The following VPS54 variants were observed in gnomAD, a reference collection of about 807,000 sequenced individuals.
VPS54 encodes vacuolar protein sorting-associated protein 54.
A neutral mutation model predicts 121.5 loss-of-function variants in VPS54; 45 were observed. The observed-to-expected ratio is 0.37, with a 90% confidence interval of 0.29 to 0.47. VPS54 has a LOEUF of 0.47. Among genes scored for constraint, VPS54 ranks in the 20% least tolerant of loss-of-function variants. The pLI, the probability that VPS54 is intolerant of heterozygous loss-of-function variation, is 0.99. For synonymous variants in VPS54, 371 were observed against 385.8 expected, an observed-to-expected ratio of 0.96 and a Z score of 0.45; for missense variants, 1,090 against 1,131.4, an observed-to-expected ratio of 0.96 and a Z score of 0.52.
chr2:63,984,537 T>C (rs1676952328), intron 1 of VPS54, among the ~76,000 whole-genome samples: 1 of 152,206 alleles, frequency 6.6e-6, no homozygotes, highest in Admixed American at 6.5e-5. Flanking sequence ...GCATTTAAAA[T>C]AATGTCTGCC....
chr2:63,969,020 T>C, intron 4 of VPS54, 29 bp from the exon 5 acceptor site: 6 of 1,569,564 alleles, frequency 3.8e-6, no homozygotes, highest in Non-Finnish European at 5.2e-6. Flanking sequence ...AAATATTATT[T>C]TTAAAACTTG....
intron 10 of VPS54, 135 bp from the exon 11 acceptor site, chr2:63,942,696 G>T: frequency 1.5e-6 from 1 of 685,404 alleles, no homozygotes; most frequent in Non-Finnish European, 2.4e-6. Context: ...TAACTAAAAT[G>T]TTGAAGAGGT....
intron 13 of VPS54, 52 bp downstream of exon 13, chr2:63,921,154 A>G (rs114965420): frequency 0.04 from 60,951 of 1,534,548 alleles, 1,404 homozygotes; most frequent in Non-Finnish European, 0.047. Context: ...ATAATTCCAG[A>G]TCTTCAAAAT....
Position 63,967,718 on chromosome 2 carries a change from C to CA in VPS54, c.492+1238dup, listed in dbSNP as rs56820620. On this transcript the variant is annotated intron_variant, in intron 5 of 22. Transcript: ENST00000272322. ...TGGGCGACAGAGAGAGACTCTGCCTCAAAAAAAAAAAAAAAAATCTTATAA... is the reference window on the plus strand; with the variant it reads ...TGGGCGACAGAGAGAGACTCTGCCTCAAAAAAAAAAAAAAAAAATCTTATAA... 3.8e-3 allele frequency among the ~76,000 whole-genome samples: 200 copies of CA among 52,990 alleles called. 23 individuals are homozygous for CA. Among genetic ancestry groups the CA allele is most frequent in the Middle Eastern group, 0.01 (1 of 98 alleles). The allele number at this position is 52,990 out of a possible 152,430, so 34.8% of individuals were successfully genotyped here.
intron 7 of VPS54, among the ~76,000 whole-genome samples, chr2:63,949,716 G>A (rs546606071): frequency 1.4e-4 from 22 of 152,254 alleles, no homozygotes; most frequent in Non-Finnish European, 2.6e-4. Context: ...GGTGGCAGAG[G>A]AGGTGGAAGT....
At chr2:63,981,530 C>T (rs193225186) in intron 3 of VPS54, 116 bp downstream of exon 3, 151 of 1,194,758 alleles carry the variant, frequency 1.3e-4, no homozygotes, top group Middle Eastern at 4.5e-4. Flanking sequence ...TTTGTATGAA[C>T]GAAAAGAATA....
intron 6 of VPS54, among the ~76,000 whole-genome samples, chr2:63,965,204 T>C (rs1701912254): frequency 6.6e-6 from 1 of 152,140 alleles, no homozygotes; most frequent in Non-Finnish European, 1.5e-5. Context: ...GGGCTGGGCA[T>C]GGTGGCTCAC....
At chr2:63,992,293 G>A (rs773977465) in intron 1 of VPS54, among the ~76,000 whole-genome samples, 18 of 152,138 alleles carry the variant, frequency 1.2e-4, no homozygotes, top group Non-Finnish European at 2.5e-4. Flanking sequence ...CACATTCAAG[G>A]AAAAAAGTTT....
chr2:63,938,777 G>GC (rs1306466248), intron 11 of VPS54, among the ~76,000 whole-genome samples: 1 of 152,168 alleles, frequency 6.6e-6, no homozygotes, highest in Non-Finnish European at 1.5e-5. Flanking sequence ...GAGTTATTAT[G>GC]TAATAGGTAC....
chr2:64,009,648 T>C (rs931272318), intron 1 of VPS54, among the ~76,000 whole-genome samples: 3 of 152,004 alleles, frequency 2.0e-5, no homozygotes, highest in African/African-American at 7.2e-5. Context: ...ACTGCATTTT[T>C]CTTACCAAAG....
chr2:64,014,352 T>A (rs1367430806), intron 1 of VPS54, among the ~76,000 whole-genome samples: 2 of 152,118 alleles, frequency 1.3e-5, no homozygotes, highest in Non-Finnish European at 2.9e-5. Flanking sequence ...TGAAGTAAAA[T>A]ATATATATTT....
intron 20 of VPS54, among the ~76,000 whole-genome samples, chr2:63,904,303 G>A (rs752988010): frequency 1.3e-5 from 2 of 151,746 alleles, no homozygotes; most frequent in South Asian, 2.1e-4. Flanking sequence ...GCTGGGCGTG[G>A]TGGCAGGCAC....
At chr2:63,977,633 T>C (rs1217516795) in intron 3 of VPS54, among the ~76,000 whole-genome samples, 1 of 152,244 alleles carries the variant, frequency 6.6e-6, no homozygotes, top group Non-Finnish European at 1.5e-5. Context: ...CTACAGCCCT[T>C]AGTATATTAA....
chr2:63,914,035 T>A, intron 17 of VPS54, 147 bp downstream of exon 17: 2 of 1,027,200 alleles, frequency 1.9e-6, no homozygotes, highest in Non-Finnish European at 2.8e-6. Flanking sequence ...TCCAATAACA[T>A]GTTGTGATTC....
At chr2:63,967,718 CAA>C (rs56820620) in intron 5 of VPS54, among the ~76,000 whole-genome samples, 14 of 52,974 alleles carry the variant, frequency 2.6e-4, no homozygotes, top group Admixed American at 8.6e-4. Context: ...GACTCTGCCT[CAA>C]AAAAAAAAAA....
In VPS54 at chr2:63,926,915, G is replaced by T. The variant is rs575328900; in HGVS notation, c.1740-5580C>A. On this transcript the variant is annotated intron_variant, in intron 12 of 22. Transcript: ENST00000272322. ...CAGGAGTCTGAGATCCACCTGGGATGTGAGAGCTTGGTGGGGGGAGAGGCG... is the reference window on the plus strand; with the variant it reads ...CAGGAGTCTGAGATCCACCTGGGATTTGAGAGCTTGGTGGGGGGAGAGGCG... 2.6e-5 allele frequency among the ~76,000 whole-genome samples: 4 copies of T among 152,326 alleles called. No homozygotes were observed. The South Asian group carries it at 8.3e-4, about 32-fold the overall frequency.
At position 63,983,852 on chromosome 2, in the gene VPS54, A is replaced by G; in HGVS notation, c.136+12T>C. ...TCATCAGTAAAAATCCTACAAAAAA[A>G]AAAAGCATTACCTGTGGGTTCCTTG... is the stretch of plus-strand genomic sequence containing the variant. On this transcript the variant is annotated intron_variant, in intron 2 of 22. Coordinates refer to ENST00000272322, the MANE Select transcript of VPS54 (RefSeq NM_016516.3). The G allele has an allele frequency of 6.3e-7, 1 of 1,577,734 alleles. No individual in the cohort carries two copies. Among genetic ancestry groups the G allele is most frequent in the Non-Finnish European group, 8.6e-7 (1 of 1,165,758 alleles).
At chr2:63,937,091 T>C (rs1223535782) in intron 11 of VPS54, among the ~76,000 whole-genome samples, 1 of 152,120 alleles carries the variant, frequency 6.6e-6, no homozygotes, top group Non-Finnish European at 1.5e-5. Context: ...GGATTTGGCA[T>C]TGATTTCTTG....
chr2:63,936,711 T>C (rs1674471279), intron 11 of VPS54, among the ~76,000 whole-genome samples: 1 of 152,122 alleles, frequency 6.6e-6, no homozygotes, highest in Non-Finnish European at 1.5e-5. Context: ...AAAGTCAAAA[T>C]ACAATCGTAA....
Sources: allele counts gnomAD v4.1 joint callset (sites outside exome capture counted in the v4.1 genomes callset), GRCh38; gene constraint gnomAD v4.1.1; transcripts MANE v1.5; gene names NCBI Gene and HGNC (gene_info 2026-07-23, HGNC 2026-07-21).